KLHL29: variants seen among roughly 807,000 people sequenced by gnomAD.
KLHL29 encodes the protein kelch-like protein 29.
Under a neutral mutation model 80.4 loss-of-function variants are expected in KLHL29, and 21 were observed. That is an observed-to-expected ratio of 0.26 (90% confidence interval 0.19 to 0.38). The LOEUF (loss-of-function observed/expected upper bound fraction) is 0.38. KLHL29 is among the 10% of genes least tolerant of loss of function. The pLI is 1.00. For missense variants in KLHL29, 867 were observed against 1,223.9 expected (o/e 0.71, Z 4.35); for synonymous variants, 511 against 526.8 (o/e 0.97, Z 0.41).
At chr2:23,672,509 C>G (rs190407279) in intron 5 of KLHL29, 218 of 152,902 alleles carry the variant, frequency 1.4e-3, no homozygotes, top group Non-Finnish European at 1.5e-3. Context: ...CCAGCAGTCG[C>G]TCCACAGCCC....
At chr2:23,573,432 C>T (rs1365743308) in intron 3 of KLHL29, among the ~76,000 whole-genome samples, 1 of 152,150 alleles carries the variant, frequency 6.6e-6, no homozygotes, top group Non-Finnish European at 1.5e-5. Flanking sequence ...GGAACTTGCC[C>T]CAGATCACTC....
intron 2 of KLHL29, among the ~76,000 whole-genome samples, chr2:23,479,790 C>G (rs1012454751): frequency 1.3e-5 from 2 of 152,224 alleles, no homozygotes; most frequent in African/African-American, 4.8e-5. Flanking sequence ...TCTCCTTTGC[C>G]TTAGGCTGCT....
chr2:23,490,617 A>G (rs778917817), intron 2 of KLHL29, among the ~76,000 whole-genome samples: 7 of 152,226 alleles, frequency 4.6e-5, no homozygotes, highest in Non-Finnish European at 8.8e-5. Flanking sequence ...ACCCACCTAC[A>G]TTGATTGGAT....
intron 13 of KLHL29, among the ~76,000 whole-genome samples, chr2:23,704,171 C>A (rs1197613757): frequency 6.6e-6 from 1 of 152,228 alleles, no homozygotes; most frequent in Non-Finnish European, 1.5e-5. Context: ...CCCCCAGGAC[C>A]ACCTGCCCCA....
At chr2:23,455,599 C>T (rs1209930615) in intron 1 of KLHL29, among the ~76,000 whole-genome samples, 1 of 145,992 alleles carries the variant, frequency 6.8e-6, no homozygotes, top group African/African-American at 2.5e-5. Flanking sequence ...GAGGGATGGT[C>T]TCCTGATTTT....
chr2:23,416,005 T>C (rs1367803656), intron 1 of KLHL29, among the ~76,000 whole-genome samples: 1 of 152,074 alleles, frequency 6.6e-6, no homozygotes, highest in Non-Finnish European at 1.5e-5. Flanking sequence ...GGGGTCGACA[T>C]TGATCAAAAC....
intron 1 of KLHL29, among the ~76,000 whole-genome samples, chr2:23,441,777 G>T (rs919108905): frequency 7.9e-5 from 12 of 152,132 alleles, no homozygotes; most frequent in Non-Finnish European, 1.2e-4. Context: ...ATGTGGTTAC[G>T]TTGGGCTTTT....
At chr2:23,633,253 C>A (rs898068533) in intron 3 of KLHL29, among the ~76,000 whole-genome samples, 1 of 152,138 alleles carries the variant, frequency 6.6e-6, no homozygotes, top group Non-Finnish European at 1.5e-5. Flanking sequence ...CACTTCACAC[C>A]CACCACCCAG....
chr2:23,609,851 C>T (rs924975314), intron 3 of KLHL29, among the ~76,000 whole-genome samples: 1 of 152,134 alleles, frequency 6.6e-6, no homozygotes, highest in Non-Finnish European at 1.5e-5. Context: ...TGCAAGACTA[C>T]ACTAATCTAA....
intron 3 of KLHL29, among the ~76,000 whole-genome samples, chr2:23,589,324 C>T (rs1668199806): frequency 6.6e-6 from 1 of 152,242 alleles, no homozygotes; most frequent in African/African-American, 2.4e-5. Flanking sequence ...ATCTAGAGCA[C>T]ATGAAATGGA....
At chr2:23,689,762 G>A (rs530345153) in intron 6 of KLHL29, 4 of 152,496 alleles carry the variant, frequency 2.6e-5, no homozygotes, top group South Asian at 2.1e-4. Context: ...ACAGGAGTAC[G>A]AGGTTGACCA....
At chr2:23,589,457 T>C (rs938105051) in intron 3 of KLHL29, among the ~76,000 whole-genome samples, 2 of 152,226 alleles carry the variant, frequency 1.3e-5, no homozygotes, top group Non-Finnish European at 1.5e-5. Context: ...GGACCAGGGT[T>C]ATCCCGGAAT....
chr2:23,427,185 T>C (rs1256797580), intron 1 of KLHL29, among the ~76,000 whole-genome samples: 1 of 152,154 alleles, frequency 6.6e-6, no homozygotes, highest in East Asian at 1.9e-4. Context: ...AGCCGAAAAC[T>C]GTGCAAGAGC....
chr2:23,602,278 C>T (rs190132944), intron 3 of KLHL29, among the ~76,000 whole-genome samples: 1 of 152,212 alleles, frequency 6.6e-6, no homozygotes, highest in African/African-American at 2.4e-5. Flanking sequence ...TCCGTCCCAG[C>T]ACCCCCCTGC....
chr2:23,590,237 T>C (rs950590235), intron 3 of KLHL29, among the ~76,000 whole-genome samples: 1 of 152,202 alleles, frequency 6.6e-6, no homozygotes, highest in Non-Finnish European at 1.5e-5. Flanking sequence ...CTCTCTGCCC[T>C]GGGACCAGGG....
chr2:23,650,282 G>A (rs758448559), intron 5 of KLHL29, among the ~76,000 whole-genome samples: 3 of 152,230 alleles, frequency 2.0e-5, no homozygotes, highest in Non-Finnish European at 4.4e-5. Context: ...CCAGATCTTA[G>A]GAAAGAATGC....
Position 23,706,559 on chromosome 2 carries a change from G to A in KLHL29, c.2523G>A (p.Glu841=), listed in dbSNP as rs1418983808. ...SSEGPALGNM[E]AYEPTTNTWT... Reference sequence around the variant, plus strand: ...AAGGGCCCGCGCTGGGCAACATGGAGGCCTACGAGCCCACAACCAACACAT... The same window carrying A: ...AAGGGCCCGCGCTGGGCAACATGGAAGCCTACGAGCCCACAACCAACACAT... The change falls in exon 14 of 14, where the codon GAG becomes GAA. Residue 841 remains glutamate (E), a synonymous_variant. Coordinates refer to ENST00000486442, the MANE Select transcript of KLHL29 (RefSeq NM_052920.2). 1.3e-6 allele frequency: 2 copies of A among 1,537,166 alleles called. No individual in the cohort carries two copies. Among genetic ancestry groups the A allele is most frequent in the East Asian group, 2.4e-5 (1 of 40,916 alleles).
chr2:23,461,976 ATTTT>A (rs10659814), intron 1 of KLHL29, among the ~76,000 whole-genome samples: 1 of 141,256 alleles, frequency 7.1e-6, no homozygotes, highest in Non-Finnish European at 1.5e-5. Flanking sequence ...GGTTTTTGCC[ATTTT>A]TTTTTTTTTA....
chr2:23,507,117 TG>T, intron 2 of KLHL29: 2 of 452,512 alleles, frequency 4.4e-6, no homozygotes, highest in Middle Eastern at 7.5e-4. Context: ...CATCGCTGCC[TG>T]GGTGGACCTG....
Sources: gnomAD v4.1 joint callset for allele counts (sites outside exome capture counted in the v4.1 genomes callset) on GRCh38, gnomAD v4.1.1 for gene constraint, MANE v1.5 for transcripts, NCBI Gene and HGNC (gene_info 2026-07-23, HGNC 2026-07-21) for gene names.